Variants in FSHR observed in about 807,000 individuals in gnomAD.
FSHR encodes the protein follicle stimulating hormone receptor.
In FSHR, 46 loss-of-function variants were observed where a neutral mutation model predicts 52.1. The observed-to-expected ratio is 0.88, with a 90% CI of 0.70 to 1.13. The LOEUF is 1.13. FSHR is among the 50% of genes most tolerant of loss of function. The pLI, the probability that FSHR is intolerant of heterozygous loss-of-function variation, is 0.00. For synonymous variants in FSHR, 399 were observed against 309.6 expected, an observed-to-expected ratio of 1.29 and a Z score of -3.03; for missense variants, 964 against 834.6, an observed-to-expected ratio of 1.16 and a Z score of -1.91.
At position 48,989,135 on chromosome 2, in the gene FSHR, A is replaced by T. The variant is rs182717950; in HGVS notation, c.447-81T>A. 2.2e-3 allele frequency: 2,253 copies of T among 1,034,774 alleles called. 6 individuals carry two copies. The highest frequency in any genetic ancestry group is 3.1e-3 in the Non-Finnish European group (2,093 of 668,624). 64.1% of individuals were successfully genotyped at this position (1,034,774 alleles called of 1,614,324 possible). ...TCCAAAATTTAGTTTAACTGGCATG[A>T]TGCGGTCTTCAGCTGAGGTAATGTA... On this transcript the variant is annotated intron_variant, in intron 5 of 9. Coordinates refer to ENST00000406846, the MANE Select transcript of FSHR (RefSeq NM_000145.4).
At chr2:49,105,745 C>G (rs1431070117) in intron 1 of FSHR, among the ~76,000 whole-genome samples, 1 of 152,016 alleles carries the variant, frequency 6.6e-6, no homozygotes, top group Non-Finnish European at 1.5e-5. Context: ...TGCAAGCTGC[C>G]CCACTCAAGG....
chr2:49,007,526 C>T (rs1390098518), intron 4 of FSHR, among the ~76,000 whole-genome samples: 3 of 152,054 alleles, frequency 2.0e-5, no homozygotes, highest in Non-Finnish European at 2.9e-5. Context: ...GGGTTGAGAA[C>T]TTTTAGAATT....
chr2:48,966,289 C>A (rs1674474073), intron 9 of FSHR, among the ~76,000 whole-genome samples: 1 of 152,070 alleles, frequency 6.6e-6, no homozygotes, highest in African/African-American at 2.4e-5. Context: ...TATGCAACAG[C>A]ATGTCAATTT....
intron 4 of FSHR, among the ~76,000 whole-genome samples, chr2:49,007,410 G>A (rs893123737): frequency 2.0e-5 from 3 of 152,100 alleles, no homozygotes; most frequent in Non-Finnish European, 4.4e-5. Flanking sequence ...ATAAAAATGG[G>A]AAGCATTATT....
intron 1 of FSHR, among the ~76,000 whole-genome samples, chr2:49,108,979 A>C (rs182259864): frequency 6.6e-6 from 1 of 152,290 alleles, no homozygotes; most frequent in Non-Finnish European, 1.5e-5. Flanking sequence ...AGAAAAGCAG[A>C]TGGCATTAAG....
intron 6 of FSHR, among the ~76,000 whole-genome samples, chr2:48,985,753 C>CCGGACTG (rs1675477645): frequency 1.6e-5 from 2 of 122,470 alleles, no homozygotes; most frequent in Admixed American, 9.6e-5. Context: ...GTCGCCCAGG[C>CCGGACTG]CGGACTGCGG....
chr2:49,055,148 C>G (rs960335831), intron 2 of FSHR, among the ~76,000 whole-genome samples: 44 of 151,922 alleles, frequency 2.9e-4, no homozygotes, highest in African/African-American at 1.0e-3. Context: ...AGGAAAACAA[C>G]TCATAACTTG....
At chr2:49,137,809 A>G (rs2103827924) in intron 1 of FSHR, among the ~76,000 whole-genome samples, 1 of 152,266 alleles carries the variant, frequency 6.6e-6, no homozygotes, top group East Asian at 1.9e-4. Context: ...CTAAAAATGG[A>G]TAAAAACCCA....
chr2:49,015,352 A>G (rs980506822), intron 4 of FSHR, among the ~76,000 whole-genome samples: 4 of 152,216 alleles, frequency 2.6e-5, no homozygotes, highest in Non-Finnish European at 5.9e-5. Flanking sequence ...TTATTCAACA[A>G]CTTACTAGAA....
Position 49,017,672 on chromosome 2 carries a change from ACC to A in FSHR, c.300-111_300-110del, listed in dbSNP as rs1282266222. 18 of 792,650 alleles carry A rather than the reference ACC, an allele frequency of 2.3e-5. No homozygotes were observed. The East Asian group carries it at 4.5e-4, about 20-fold the overall frequency. The allele number at this position is 792,650 out of a possible 1,614,324, so 49.1% of individuals were successfully genotyped here. A position where few individuals can be genotyped will look rare whatever the true frequency, so the allele number is the denominator to read the frequency against. ...AATCATTCATCCCATCCACTCATCC[ACC>A]CATCTATTCATCCATCCATCCATCC... is the stretch of plus-strand genomic sequence containing the variant. On this transcript the variant is annotated intron_variant, in intron 3 of 9. Transcript: ENST00000406846.
chr2:49,093,393 A>T lies in FSHR; in HGVS notation c.153-25103T>A, dbSNP rs370149325. On this transcript the variant is annotated intron_variant, in intron 1 of 9. Coordinates refer to ENST00000406846, the MANE Select transcript of FSHR (RefSeq NM_000145.4). ...AAGAAATGTTGTTAGGTGCATACAC[A>T]TTTAAATCATTGTCTTCTTGACCTT... 2.6e-3 allele frequency among the ~76,000 whole-genome samples: 394 copies of T among 152,246 alleles called. 3 individuals carry two copies. Among genetic ancestry groups the T allele is most frequent in the African/African-American group, 9.1e-3 (377 of 41,554 alleles).
intron 2 of FSHR, among the ~76,000 whole-genome samples, chr2:49,021,612 G>C (rs1488148890): frequency 6.6e-6 from 1 of 151,794 alleles, no homozygotes; most frequent in East Asian, 2.0e-4. Flanking sequence ...GTCTGCTGGT[G>C]CATCTGTGAC....
At chr2:49,044,293 C>T (rs1019110202) in intron 2 of FSHR, among the ~76,000 whole-genome samples, 2 of 152,092 alleles carry the variant, frequency 1.3e-5, no homozygotes, top group Non-Finnish European at 2.9e-5. Context: ...GTGAGGAGCA[C>T]CTATTTTGTT....
chr2:49,134,035 A>G (rs1416759116), intron 1 of FSHR, among the ~76,000 whole-genome samples: 1 of 152,200 alleles, frequency 6.6e-6, no homozygotes, highest in Non-Finnish European at 1.5e-5. Context: ...AAAACACCAA[A>G]AGCGATGGCA....
At chr2:49,079,009 A>G (rs1409084202) in intron 1 of FSHR, among the ~76,000 whole-genome samples, 1 of 152,116 alleles carries the variant, frequency 6.6e-6, no homozygotes, top group Non-Finnish European at 1.5e-5. Context: ...CACAAAGCCT[A>G]CTCTGTAACC....
chr2:49,084,208 A>G, intron 1 of FSHR, among the ~76,000 whole-genome samples: 1 of 149,784 alleles, frequency 6.7e-6, no homozygotes, highest in Admixed American at 6.7e-5. Context: ...AAACCGCTCA[A>G]CTACATGGAA....
chr2:49,120,516 A>G (rs1222461850), intron 1 of FSHR, among the ~76,000 whole-genome samples: 7 of 152,200 alleles, frequency 4.6e-5, no homozygotes, highest in Admixed American at 2.6e-4. Flanking sequence ...TTGTATTGAT[A>G]CAGTGATATA....
intron 1 of FSHR, among the ~76,000 whole-genome samples, chr2:49,112,524 T>C (rs552976255): frequency 5.9e-5 from 9 of 152,216 alleles, no homozygotes; most frequent in Non-Finnish European, 1.3e-4. Flanking sequence ...TTTTTTAATA[T>C]GTTAAAAATT....
At chr2:49,112,863 G>A (rs1671469118) in intron 1 of FSHR, among the ~76,000 whole-genome samples, 1 of 152,130 alleles carries the variant, frequency 6.6e-6, no homozygotes, top group Admixed American at 6.6e-5. Flanking sequence ...AGTTACATTA[G>A]TGCAAAATGG....
Sources: gnomAD v4.1 joint callset for allele counts (sites outside exome capture counted in the v4.1 genomes callset) on GRCh38, gnomAD v4.1.1 for gene constraint, MANE v1.5 for transcripts, NCBI Gene and HGNC (gene_info 2026-07-23, HGNC 2026-07-21) for gene names.